IL23R: variants seen among roughly 807,000 people sequenced by gnomAD.
IL23R encodes interleukin-23 receptor.
A neutral mutation model predicts 56.9 loss-of-function variants in IL23R; 34 were observed. The ratio of observed to expected loss-of-function variants is 0.60; its 90% CI spans 0.45 to 0.80. IL23R has a LOEUF of 0.80. IL23R is among the 30% of genes least tolerant of loss of function. The pLI, the probability that IL23R is intolerant of heterozygous loss-of-function variation, is 0.00. For synonymous variants in IL23R, 230 were observed against 249.2 expected (o/e 0.92, Z 0.73); for missense variants, 635 against 730.0 (o/e 0.87, Z 1.50).
chr1:67,204,801 CAG>C (rs1299279409), intron 5 of IL23R, among the ~76,000 whole-genome samples: 2 of 148,964 alleles, frequency 1.3e-5, no homozygotes, highest in African/African-American at 2.5e-5. Context: ...TGGGGTTGGG[CAG>C]AGTCTTGCTC....
intron 1 of IL23R, among the ~76,000 whole-genome samples, chr1:67,147,925 G>A (rs1646694310): frequency 6.6e-6 from 1 of 152,070 alleles, no homozygotes; most frequent in Non-Finnish European, 1.5e-5. Context: ...CTTCCAAGAT[G>A]GTGGCAAGCC....
intron 5 of IL23R, among the ~76,000 whole-genome samples, chr1:67,202,490 A>G (rs548432256): frequency 6.6e-6 from 1 of 152,280 alleles, no homozygotes; most frequent in African/African-American, 2.4e-5. Context: ...CTCCCACCTC[A>G]GCCTCCCAAA....
intron 4 of IL23R, among the ~76,000 whole-genome samples, chr1:67,189,703 G>C (rs1423979962): frequency 6.6e-6 from 1 of 152,196 alleles, no homozygotes; most frequent in Non-Finnish European, 1.5e-5. Context: ...CCAGCACTTT[G>C]GGAGGCTGAG....
chr1:67,168,588 G>A (rs1646901527), intron 2 of IL23R, among the ~76,000 whole-genome samples: 1 of 152,118 alleles, frequency 6.6e-6, no homozygotes, highest in Non-Finnish European at 1.5e-5. Flanking sequence ...GTGGGCCATT[G>A]GCAAGAGTAT....
In IL23R at chr1:67,259,022, T is replaced by G; in HGVS notation, c.1784T>G (p.Val595Gly). The G allele has an allele frequency of 1.2e-6, 2 of 1,614,018 alleles. No homozygotes were observed. The highest frequency in any genetic ancestry group is 1.7e-6 in the Non-Finnish European group (2 of 1,179,990). Reference protein sequence around the residue: ...PEQTLLPDEFVSCLGIVNEEL... With the variant: ...PEQTLLPDEFGSCLGIVNEEL... ...CAGACCCTGCTTCCTGATGAATTTG[T>G]CTCCTGTTTGGGGATCGTGAATGAG... The change falls in exon 11 of 11, where the codon GTC (valine) becomes GGC (glycine). Residue 595 changes from valine to glycine, a missense_variant. By Grantham distance (109) the Val-to-Gly change is moderately radical. Transcript: ENST00000347310.
intron 5 of IL23R, among the ~76,000 whole-genome samples, chr1:67,205,909 TTCTTTCTTTCTTTCTTTTTC>T (rs1648992306): frequency 2.6e-5 from 3 of 117,374 alleles, no homozygotes; most frequent in Non-Finnish European, 5.9e-5. Flanking sequence ...CTTTCTTTCT[TTCTTTCTTTCTTTCTTTTTC>T]TTTCTTTCTT....
chr1:67,160,347 G>A (rs1464485069), intron 1 of IL23R, among the ~76,000 whole-genome samples: 1 of 152,204 alleles, frequency 6.6e-6, no homozygotes, highest in African/African-American at 2.4e-5. Flanking sequence ...TGCACTTGAA[G>A]TTTGGAGAGA....
At chr1:67,143,993 A>G (rs1393389947) in intron 1 of IL23R, among the ~76,000 whole-genome samples, 1 of 152,246 alleles carries the variant, frequency 6.6e-6, no homozygotes, top group Non-Finnish European at 1.5e-5. Flanking sequence ...CCCATACCAA[A>G]GTTTAGGTGC....
intron 7 of IL23R, among the ~76,000 whole-genome samples, chr1:67,220,462 T>C (rs1005909529): frequency 1.3e-5 from 2 of 152,056 alleles, no homozygotes; most frequent in Non-Finnish European, 1.5e-5. Flanking sequence ...TTGACCAAAA[T>C]TGACAAAACT....
At chr1:67,251,997 C>A (rs1162436477) in intron 9 of IL23R, among the ~76,000 whole-genome samples, 1 of 152,176 alleles carries the variant, frequency 6.6e-6, no homozygotes, top group Admixed American at 6.5e-5. Flanking sequence ...GAATGTAAAA[C>A]AAGATGGAGA....
Position 67,258,658 on chromosome 1 carries a change from G to A in IL23R, c.1420G>A (p.Val474Ile). The stretch of plus-strand genomic sequence containing the variant: ...AAACTCGCTATTCGACAATACTACA[G>A]TTGTATATATTCCTGATCTCAACAC... Reference protein sequence around the residue: ...PQNSLFDNTTVVYIPDLNTGY... With the variant: ...PQNSLFDNTTIVYIPDLNTGY... Residue 474 changes from valine (V) to isoleucine (I), a missense_variant, in exon 11 of 11, where the codon GTT becomes ATT. Val to Ile is a conservative substitution (Grantham distance 29, BLOSUM62 3). Transcript: ENST00000347310. 9 of 1,613,918 alleles carry A rather than the reference G, an allele frequency of 5.6e-6. No homozygotes were observed. The highest frequency in any genetic ancestry group is 7.6e-6 in the Non-Finnish European group (9 of 1,179,946).
At chr1:67,196,957 T>C (rs1648199432) in intron 4 of IL23R, among the ~76,000 whole-genome samples, 1 of 152,204 alleles carries the variant, frequency 6.6e-6, no homozygotes, top group Non-Finnish European at 1.5e-5. Context: ...ATAGTTCTGG[T>C]TCCAGTCAGA....
At chr1:67,150,861 G>A (rs549462177) in intron 1 of IL23R, among the ~76,000 whole-genome samples, 71 of 152,086 alleles carry the variant, frequency 4.7e-4, no homozygotes, top group Non-Finnish European at 8.7e-4. Context: ...TCATTGATGG[G>A]TATTTGGGTT....
rs114543871 is a variant in IL23R, at chr1:67,251,576, T to C, written c.1149-4261T>C. 5.4e-3 allele frequency among the ~76,000 whole-genome samples: 820 copies of C among 152,358 alleles called. 5 individuals carry two copies. Among genetic ancestry groups the C allele is most frequent in the African/African-American group, 0.019 (772 of 41,584 alleles). On this transcript the variant is annotated intron_variant, in intron 9 of 10. Coordinates refer to ENST00000347310, the MANE Select transcript of IL23R (RefSeq NM_144701.3). Reference sequence around the variant, plus strand: ...TAAAAAATCCTTTTAAATCTCTTGTTACCCAACTTTAGCCATGCCAAGTGG... The same window carrying C: ...TAAAAAATCCTTTTAAATCTCTTGTCACCCAACTTTAGCCATGCCAAGTGG...
At chr1:67,240,032 C>T in intron 8 of IL23R, 147 bp from the exon 9 acceptor site, 1 of 674,350 alleles carries the variant, frequency 1.5e-6, no homozygotes, top group Non-Finnish European at 2.6e-6. Flanking sequence ...AACAGTCACT[C>T]TGTGGCCTAA....
chr1:67,166,898 C>T (rs1301760255), intron 1 of IL23R, among the ~76,000 whole-genome samples: 3 of 151,928 alleles, frequency 2.0e-5, no homozygotes, highest in East Asian at 1.9e-4. Flanking sequence ...CCATGCATTG[C>T]GTTCTCTTGT....
At chr1:67,184,221 C>T (rs1052285002) in intron 4 of IL23R, among the ~76,000 whole-genome samples, 8 of 147,514 alleles carry the variant, frequency 5.4e-5, no homozygotes, top group South Asian at 2.2e-4. Context: ...GGCGAAAGAG[C>T]GAGACTCCAT....
At chr1:67,245,816 T>C (rs1403537826) in intron 9 of IL23R, among the ~76,000 whole-genome samples, 2 of 152,216 alleles carry the variant, frequency 1.3e-5, no homozygotes, top group East Asian at 3.8e-4. Flanking sequence ...AGAATGATGC[T>C]GGCCTCATAA....
intron 7 of IL23R, among the ~76,000 whole-genome samples, chr1:67,222,751 A>G (rs1650379728): frequency 6.6e-6 from 1 of 152,174 alleles, no homozygotes; most frequent in African/African-American, 2.4e-5. Context: ...GGGTAATGAC[A>G]CCTAAACTAT....
Sources: gnomAD v4.1 joint callset for allele counts (sites outside exome capture counted in the v4.1 genomes callset) on GRCh38, gnomAD v4.1.1 for gene constraint, MANE v1.5 for transcripts, NCBI Gene and HGNC (gene_info 2026-07-23, HGNC 2026-07-21) for gene names.